SPRYD7: variants seen among roughly 807,000 people sequenced by gnomAD.
The protein encoded by SPRYD7 is SPRY domain-containing protein 7.
A neutral mutation model predicts 23.8 loss-of-function variants in SPRYD7; 14 were observed. The observed-to-expected ratio is 0.59, with a 90% CI of 0.39 to 0.92. The LOEUF (loss-of-function observed/expected upper bound fraction) is 0.92, where lower values mean the gene tolerates loss of function less well. Ranked by LOEUF, SPRYD7 falls within the 40% of genes least tolerant of loss-of-function variation. The probability of loss-of-function intolerance (pLI) is 0.00; values close to 1 mark genes in which losing one functional copy is unlikely to be tolerated. For missense variants in SPRYD7, 194 were observed against 241.7 expected (o/e 0.80, Z 1.31); for synonymous variants, 75 against 84.9 (o/e 0.88, Z 0.64).
chr13:49,922,518 A>T (rs1955832903), intron 3 of SPRYD7, among the ~76,000 whole-genome samples: 1 of 152,082 alleles, frequency 6.6e-6, no homozygotes, highest in African/African-American at 2.4e-5. Context: ...CACAGCTAGG[A>T]AGTGGAAAAG....
At chr13:49,922,827 A>AAC (rs1555316734) in intron 3 of SPRYD7, among the ~76,000 whole-genome samples, 27,932 of 151,230 alleles carry the variant, frequency 0.18, 3,650 homozygotes, top group East Asian at 0.63. Flanking sequence ...AAAAAAAAAA[A>AAC]ATTTTATAGA....
intron 2 of SPRYD7, among the ~76,000 whole-genome samples, chr13:49,929,088 A>C (rs183713478): frequency 1.1e-3 from 175 of 152,188 alleles, no homozygotes; most frequent in Non-Finnish European, 2.1e-3. Flanking sequence ...CTCCTGCCTC[A>C]GTCTCCCAAA....
intron 3 of SPRYD7, among the ~76,000 whole-genome samples, chr13:49,926,835 G>T (rs970742478): frequency 6.6e-6 from 1 of 152,086 alleles, no homozygotes; most frequent in African/African-American, 2.4e-5. Flanking sequence ...AGGGCACCTC[G>T]GCTGAAGGAG....
intron 3 of SPRYD7, among the ~76,000 whole-genome samples, chr13:49,925,778 C>G (rs1303157550): frequency 6.6e-6 from 1 of 150,708 alleles, no homozygotes; most frequent in East Asian, 2.0e-4. Context: ...CGCCACTGCA[C>G]TCCAGCCTGG....
At chr13:49,924,997 T>C (rs575693751) in intron 3 of SPRYD7, among the ~76,000 whole-genome samples, 3 of 82,844 alleles carry the variant, frequency 3.6e-5, no homozygotes, top group African/African-American at 5.0e-5. Flanking sequence ...AATAAATAAA[T>C]AATAATAATA....
intron 3 of SPRYD7, among the ~76,000 whole-genome samples, chr13:49,924,405 A>G (rs1407483117): frequency 6.6e-6 from 1 of 152,136 alleles, no homozygotes; most frequent in East Asian, 1.9e-4. Flanking sequence ...CCTTCCAAGT[A>G]GCTAGAACTA....
intron 4 of SPRYD7, among the ~76,000 whole-genome samples, chr13:49,918,784 G>A (rs1955782257): frequency 6.6e-6 from 1 of 151,418 alleles, no homozygotes; most frequent in Admixed American, 6.6e-5. Context: ...GCATGATCTC[G>A]GCTCACTGCA....
chr13:49,920,836 C>T lies in SPRYD7; in HGVS notation c.493+642G>A, dbSNP rs182906951. 7.2e-3 allele frequency among the ~76,000 whole-genome samples: 1,098 copies of T among 152,162 alleles called. 5 individuals carry two copies. The highest frequency in any genetic ancestry group is 0.011 in the Admixed American group (168 of 15,258). On this transcript the variant is annotated intron_variant, in intron 4 of 4. Coordinates refer to ENST00000361840, the MANE Select transcript of SPRYD7 (RefSeq NM_020456.4). ...AGTAGCCAGGCGTGGTGGCAGGCAC[C>T]TGTAATCCCAGTTACTCGGGAGGCT...
intron 3 of SPRYD7, among the ~76,000 whole-genome samples, chr13:49,923,389 G>T (rs983160355): frequency 2.0e-5 from 3 of 151,800 alleles, no homozygotes; most frequent in African/African-American, 7.3e-5. Context: ...GATTACAGGC[G>T]CCCGCCACCA....
At chr13:49,916,363 G>C (rs77062132) in intron 4 of SPRYD7, among the ~76,000 whole-genome samples, 3,329 of 152,124 alleles carry the variant, frequency 0.022, 50 homozygotes, top group Non-Finnish European at 0.03. Flanking sequence ...CAGCATAAAT[G>C]CAGAAAAAAA....
At chr13:49,931,989 A>C (rs1283444214) in intron 1 of SPRYD7, among the ~76,000 whole-genome samples, 1 of 152,230 alleles carries the variant, frequency 6.6e-6, no homozygotes, top group East Asian at 1.9e-4. Context: ...ATTATATTGA[A>C]CGTTCAAAAC....
rs141528603 is a variant in SPRYD7 at position 49,919,822 on chromosome 13, A to G, written c.493+1656T>C. Reference sequence around the variant, plus strand: ...TATGTTTTTCTAAAAAAAAAAAAAGAAAGAGACCTTTTTTTCGAGATACAA... The same window carrying G: ...TATGTTTTTCTAAAAAAAAAAAAAGGAAGAGACCTTTTTTTCGAGATACAA... On this transcript the variant is annotated intron_variant, in intron 4 of 4. Coordinates refer to ENST00000361840, the MANE Select transcript of SPRYD7 (RefSeq NM_020456.4). Among the ~76,000 whole-genome samples the G allele has an allele frequency of 2.8e-3, 419 of 151,588 alleles. 4 individuals are homozygous for G. The highest frequency in any genetic ancestry group is 9.6e-3 in the African/African-American group (398 of 41,326).
intron 1 of SPRYD7, among the ~76,000 whole-genome samples, chr13:49,932,417 T>C (rs1244445885): frequency 6.6e-6 from 1 of 152,218 alleles, no homozygotes; most frequent in African/African-American, 2.4e-5. Context: ...ACGACATCTA[T>C]AGATGAGAGT....
At chr13:49,919,983 T>C (rs1008716762) in intron 4 of SPRYD7, among the ~76,000 whole-genome samples, 4 of 152,006 alleles carry the variant, frequency 2.6e-5, no homozygotes, top group Non-Finnish European at 1.5e-5. Flanking sequence ...AAGTTGATAA[T>C]TGTTTGAAGC....
chr13:49,917,124 GAC>G (rs1330327760), intron 4 of SPRYD7, among the ~76,000 whole-genome samples: 1 of 151,892 alleles, frequency 6.6e-6, no homozygotes, highest in Non-Finnish European at 1.5e-5. Flanking sequence ...TCTTTTTTGA[GAC>G]AGAGTCTCGC....
At chr13:49,921,955 A>G (rs1272212761) in intron 3 of SPRYD7, among the ~76,000 whole-genome samples, 2 of 152,206 alleles carry the variant, frequency 1.3e-5, no homozygotes, top group African/African-American at 4.8e-5. Context: ...AATTTGATCT[A>G]AAGAAGGAAA....
At chr13:49,923,388 C>A (rs950518372) in intron 3 of SPRYD7, among the ~76,000 whole-genome samples, 1 of 152,066 alleles carries the variant, frequency 6.6e-6, no homozygotes, top group Non-Finnish European at 1.5e-5. Flanking sequence ...GGATTACAGG[C>A]GCCCGCCACC....
At chr13:49,919,940 G>T (rs953960501) in intron 4 of SPRYD7, among the ~76,000 whole-genome samples, 6 of 151,948 alleles carry the variant, frequency 3.9e-5, no homozygotes, top group Non-Finnish European at 5.9e-5. Flanking sequence ...AGCATTGGGG[G>T]TGGGGGGGTG....
At chr13:49,925,786 T>C (rs1955876127) in intron 3 of SPRYD7, among the ~76,000 whole-genome samples, 1 of 150,258 alleles carries the variant, frequency 6.7e-6, no homozygotes, top group Non-Finnish European at 1.5e-5. Flanking sequence ...CACTCCAGCC[T>C]GGGTGACAGA....
Sources: allele counts gnomAD v4.1 joint callset (sites outside exome capture counted in the v4.1 genomes callset), GRCh38; gene constraint gnomAD v4.1.1; transcripts MANE v1.5; gene names NCBI Gene and HGNC (gene_info 2026-07-23, HGNC 2026-07-21).